Variants in RGS6 observed in about 807,000 individuals in gnomAD.
RGS6 encodes the protein regulator of G protein signaling 6.
RGS6 carries 30 observed loss-of-function variants against 78.5 expected under a neutral mutation model. That is an observed-to-expected ratio of 0.38 (90% CI 0.29 to 0.52). The LOEUF is 0.52. Ranked by LOEUF, RGS6 falls within the 20% of genes least tolerant of loss-of-function variation. The pLI is 0.85. For synonymous variants in RGS6, 206 were observed against 206.0 expected (o/e 1.00, Z 0.00); for missense variants, 495 against 609.7 (o/e 0.81, Z 1.98).
Position 71,988,159 on chromosome 14 carries a change from C to T in RGS6, c.84+23284C>T, listed in dbSNP as rs142740716. Reference sequence around the variant, plus strand: ...TGTGACTCAAGGTAGATGAGCCCTTCGAGGAGCTAGTCAAGGAAACAGATG... The same window carrying T: ...TGTGACTCAAGGTAGATGAGCCCTTTGAGGAGCTAGTCAAGGAAACAGATG... On this transcript the variant is annotated intron_variant, in intron 2 of 17. Transcript: ENST00000553525. Among the ~76,000 whole-genome samples, 74 of 152,198 alleles carry T rather than the reference C, an allele frequency of 4.9e-4. 2 individuals carry two copies. In the East Asian group the frequency reaches 0.01, roughly 21 times the overall value.
chr14:72,507,031 T>G (rs2096814698), intron 13 of RGS6, among the ~76,000 whole-genome samples: 1 of 122,710 alleles, frequency 8.1e-6, no homozygotes, highest in Non-Finnish European at 1.6e-5. Flanking sequence ...TAGCTGGCCA[T>G]GGTGGCGGGT....
chr14:72,447,053 G>A (rs915407604), intron 3 of RGS6, among the ~76,000 whole-genome samples: 1 of 152,156 alleles, frequency 6.6e-6, no homozygotes, highest in Non-Finnish European at 1.5e-5. Context: ...GTGGGAGGAG[G>A]AAGGGAAGGC....
intron 2 of RGS6, among the ~76,000 whole-genome samples, chr14:72,005,826 C>T (rs114276152): frequency 6.6e-6 from 1 of 151,926 alleles, no homozygotes; most frequent in South Asian, 2.1e-4. Context: ...AATATTCTGA[C>T]TCTTGCATTT....
At chr14:72,184,576 A>C (rs149648) in intron 2 of RGS6, among the ~76,000 whole-genome samples, 10,853 of 152,208 alleles carry the variant, frequency 0.071, 571 homozygotes, top group East Asian at 0.29. Context: ...ACTGTTTTTA[A>C]ACCTATCACA....
At chr14:72,617,610 C>A in the RGS6 span, among the ~76,000 whole-genome samples, 1 of 152,208 alleles carries the variant, frequency 6.6e-6, no homozygotes, top group Admixed American at 6.5e-5. Flanking sequence ...CCATCGCTTG[C>A]CACAGGTCAC....
intron 2 of RGS6, among the ~76,000 whole-genome samples, chr14:72,309,252 G>A (rs1038145442): frequency 1.3e-5 from 2 of 152,234 alleles, no homozygotes; most frequent in Non-Finnish European, 2.9e-5. Flanking sequence ...GTACAGGGCA[G>A]TGGATGTGAG....
chr14:72,606,521 G>A, the RGS6 span, among the ~76,000 whole-genome samples: 1 of 152,060 alleles, frequency 6.6e-6, no homozygotes, highest in African/African-American at 2.4e-5. Context: ...TATCCCACTG[G>A]TCCCTTCTTC....
chr14:72,561,617 A>G (rs2239228), intron 17 of RGS6, among the ~76,000 whole-genome samples: 42,241 of 152,100 alleles, frequency 0.28, 6,900 homozygotes, highest in African/African-American at 0.45. Flanking sequence ...CAGGGCACAT[A>G]CACAACGGGA....
chr14:71,937,408 G>A (rs1010143152), intron 1 of RGS6, among the ~76,000 whole-genome samples: 2 of 152,174 alleles, frequency 1.3e-5, no homozygotes, highest in African/African-American at 4.8e-5. Flanking sequence ...CTTGATTCCT[G>A]GACCTGTGAA....
chr14:72,061,552 G>T (rs983070208), intron 2 of RGS6, among the ~76,000 whole-genome samples: 2 of 151,908 alleles, frequency 1.3e-5, no homozygotes, highest in African/African-American at 4.8e-5. Context: ...CTGAGACCCT[G>T]GTTTCAACTG....
At chr14:72,223,629 T>C (rs1235692839) in intron 2 of RGS6, among the ~76,000 whole-genome samples, 1 of 152,216 alleles carries the variant, frequency 6.6e-6, no homozygotes, top group Non-Finnish European at 1.5e-5. Context: ...TGCCACCTAG[T>C]CTAGTAATAG....
chr14:72,123,870 C>T (rs1284634304), intron 2 of RGS6, among the ~76,000 whole-genome samples: 1 of 152,208 alleles, frequency 6.6e-6, no homozygotes, highest in African/African-American at 2.4e-5. Context: ...ATGCCCTCCA[C>T]TTGACTGTAT....
At chr14:72,360,878 C>A (rs577490665) in intron 3 of RGS6, among the ~76,000 whole-genome samples, 1 of 151,964 alleles carries the variant, frequency 6.6e-6, no homozygotes, top group Non-Finnish European at 1.5e-5. Flanking sequence ...GTGATTGGAT[C>A]GTGGGGGTGG....
intron 15 of RGS6, among the ~76,000 whole-genome samples, chr14:72,535,686 A>G (rs1257868060): frequency 1.3e-5 from 2 of 151,982 alleles, no homozygotes; most frequent in East Asian, 3.9e-4. Flanking sequence ...TTATAACCAC[A>G]CCTCCCTTGC....
chr14:72,350,404 A>C (rs1412228048), intron 2 of RGS6, among the ~76,000 whole-genome samples: 1 of 152,162 alleles, frequency 6.6e-6, no homozygotes, highest in East Asian at 1.9e-4. Flanking sequence ...TAACCTCTGC[A>C]GTTGTCCCTG....
chr14:72,258,967 A>C (rs562509896), intron 2 of RGS6, among the ~76,000 whole-genome samples: 2 of 152,314 alleles, frequency 1.3e-5, no homozygotes, highest in East Asian at 3.9e-4. Context: ...TATTTTCTTT[A>C]ATCATGGTGT....
chr14:71,922,487 A>G, the RGS6 span, among the ~76,000 whole-genome samples: 1 of 152,176 alleles, frequency 6.6e-6, no homozygotes, highest in Non-Finnish European at 1.5e-5. Flanking sequence ...TTTCCCTCAC[A>G]CCTAAAATAA....
the RGS6 span, among the ~76,000 whole-genome samples, chr14:72,574,265 G>A: frequency 1.3e-5 from 2 of 152,192 alleles, no homozygotes; most frequent in African/African-American, 2.4e-5. Context: ...GGTGCCAGCT[G>A]GTGAGCCCAC....
chr14:72,578,312 C>T, the RGS6 span, among the ~76,000 whole-genome samples: 17 of 152,168 alleles, frequency 1.1e-4, no homozygotes, highest in Non-Finnish European at 1.5e-5. Context: ...CCCACCTCCT[C>T]ACGTAAGAGC....
Sources: allele counts gnomAD v4.1 joint callset (sites outside exome capture counted in the v4.1 genomes callset), GRCh38; gene constraint gnomAD v4.1.1; transcripts MANE v1.5; gene names NCBI Gene and HGNC (gene_info 2026-07-23, HGNC 2026-07-21).